The following LRMDA variants were observed in gnomAD, a reference collection of about 807,000 sequenced individuals.
The protein encoded by LRMDA is leucine rich melanocyte differentiation associated, also known as leucine-rich melanocyte differentiation-associated protein.
A neutral mutation model predicts 29.8 loss-of-function variants in LRMDA; 18 were observed. That is an observed-to-expected ratio of 0.60 (90% confidence interval 0.42 to 0.90). The LOEUF (loss-of-function observed/expected upper bound fraction) is 0.90, where lower values mean the gene tolerates loss of function less well. Ranked by LOEUF, LRMDA falls within the 40% of genes least tolerant of loss-of-function variation. LRMDA has a pLI of 0.00. For synonymous variants in LRMDA, 125 were observed against 109.4 expected (o/e 1.14, Z -0.89); for missense variants, 273 against 273.9 (o/e 1.00, Z 0.02).
rs114763638 is a variant in LRMDA at position 76,165,777 on chromosome 10, C to T, written c.516+106994C>T. 5.4e-3 allele frequency among the ~76,000 whole-genome samples: 820 copies of T among 152,194 alleles called. 6 individuals carry two copies. The highest frequency in any genetic ancestry group is 0.034 in the Middle Eastern group (10 of 294). The stretch of plus-strand genomic sequence containing the variant: ...ATCATGAGAACAATATGAGGGTAGC[C>T]GCCCCCATTATTTAATTATCTCTTA... On this transcript the variant is annotated intron_variant, in intron 5 of 6. Transcript: ENST00000611255.
At chr10:76,058,095 G>A (rs748571126) in intron 4 of LRMDA, among the ~76,000 whole-genome samples, 1 of 152,046 alleles carries the variant, frequency 6.6e-6, no homozygotes, top group Non-Finnish European at 1.5e-5. Flanking sequence ...AATCTTCATA[G>A]GTTAGCAAGT....
At chr10:76,338,970 A>G (rs933635747) in intron 6 of LRMDA, among the ~76,000 whole-genome samples, 15 of 152,326 alleles carry the variant, frequency 9.8e-5, no homozygotes, top group African/African-American at 3.4e-4. Flanking sequence ...TTTGAAATTC[A>G]TAAAGCAGAA....
At chr10:75,637,399 G>A (rs550631888) in intron 2 of LRMDA, among the ~76,000 whole-genome samples, 21 of 152,312 alleles carry the variant, frequency 1.4e-4, no homozygotes, top group African/African-American at 4.6e-4. Context: ...GGCAGAGACA[G>A]AGAGGGGGAG....
intron 2 of LRMDA, among the ~76,000 whole-genome samples, chr10:75,654,249 G>A (rs1302759126): frequency 6.6e-6 from 1 of 152,150 alleles, no homozygotes; most frequent in East Asian, 1.9e-4. Flanking sequence ...TATGACTGTG[G>A]GTAGGTGTCT....
intron 2 of LRMDA, among the ~76,000 whole-genome samples, chr10:75,805,309 G>A (rs1221234757): frequency 6.6e-6 from 1 of 152,192 alleles, no homozygotes. Context: ...GAATTCAAAG[G>A]CCAAGCTGCC....
At chr10:75,575,966 GTT>G (rs796940224) in intron 2 of LRMDA, among the ~76,000 whole-genome samples, 4 of 141,580 alleles carry the variant, frequency 2.8e-5, no homozygotes, top group South Asian at 2.3e-4. Flanking sequence ...AGCCACAGGA[GTT>G]TTTTTTTTTT....
intron 3 of LRMDA, among the ~76,000 whole-genome samples, chr10:76,039,344 C>G (rs146928314): frequency 1.3e-5 from 2 of 152,216 alleles, no homozygotes; most frequent in Non-Finnish European, 2.9e-5. Flanking sequence ...AAAGTATTAG[C>G]TCTTTTGTGT....
intron 6 of LRMDA, among the ~76,000 whole-genome samples, chr10:76,333,265 A>G (rs1249702655): frequency 6.6e-6 from 1 of 152,150 alleles, no homozygotes; most frequent in Non-Finnish European, 1.5e-5. Flanking sequence ...AAGGGTTTAT[A>G]TTTTATTTAA....
intron 2 of LRMDA, among the ~76,000 whole-genome samples, chr10:75,691,129 G>C (rs569682668): frequency 2.2e-5 from 2 of 90,578 alleles, no homozygotes; most frequent in Non-Finnish European, 2.1e-5. Context: ...TATATACATA[G>C]ATATATAGAT....
At chr10:75,736,773 T>A (rs1267422228) in intron 2 of LRMDA, among the ~76,000 whole-genome samples, 1 of 152,152 alleles carries the variant, frequency 6.6e-6, no homozygotes, top group African/African-American at 2.4e-5. Context: ...ATGAGTTCAT[T>A]TATATTCTTG....
intron 2 of LRMDA, among the ~76,000 whole-genome samples, chr10:75,951,738 G>T (rs147307599): frequency 6.6e-6 from 1 of 152,210 alleles, no homozygotes; most frequent in Non-Finnish European, 1.5e-5. Context: ...GCTCTCCATG[G>T]GTAACCTCTC....
intron 2 of LRMDA, among the ~76,000 whole-genome samples, chr10:75,796,294 A>G (rs79152865): frequency 0.013 from 2,040 of 152,216 alleles, 53 homozygotes; most frequent in African/African-American, 0.047. Flanking sequence ...TTATTATTTT[A>G]TCATATGTAT....
At chr10:75,887,672 G>A (rs1050418043) in intron 2 of LRMDA, among the ~76,000 whole-genome samples, 2 of 152,148 alleles carry the variant, frequency 1.3e-5, no homozygotes, top group Non-Finnish European at 2.9e-5. Context: ...GGCCTGCAAA[G>A]TCTAAATGTT....
At chr10:76,538,987 G>A (rs1045415100) in intron 6 of LRMDA, among the ~76,000 whole-genome samples, 1 of 151,318 alleles carries the variant, frequency 6.6e-6, no homozygotes, top group Admixed American at 6.6e-5. Context: ...CCTGGCATAT[G>A]GTGTTTCTCC....
intron 6 of LRMDA, among the ~76,000 whole-genome samples, chr10:76,463,162 A>T (rs552609135): frequency 5.8e-4 from 88 of 152,114 alleles, no homozygotes; most frequent in Non-Finnish European, 1.1e-3. Context: ...ACTTCTCTGT[A>T]TCCAAGGCAG....
At chr10:75,493,255 C>T (rs910981332) in intron 2 of LRMDA, among the ~76,000 whole-genome samples, 5 of 151,472 alleles carry the variant, frequency 3.3e-5, no homozygotes, top group Admixed American at 6.6e-5. Context: ...CCTTGGAGAA[C>T]AAGTTTTCCT....
intron 2 of LRMDA, among the ~76,000 whole-genome samples, chr10:75,845,885 A>G (rs530040585): frequency 6.6e-6 from 1 of 152,300 alleles, no homozygotes; most frequent in East Asian, 1.9e-4. Context: ...AAATGGTAAT[A>G]GCAGAATTTT....
chr10:76,271,013 G>A (rs770878078), intron 5 of LRMDA, among the ~76,000 whole-genome samples: 1 of 152,186 alleles, frequency 6.6e-6, no homozygotes, highest in Admixed American at 6.5e-5. Context: ...GAGAATAGCT[G>A]TCTCTTTCCC....
chr10:75,758,320 C>T (rs1372251195), intron 2 of LRMDA, among the ~76,000 whole-genome samples: 1 of 152,214 alleles, frequency 6.6e-6, no homozygotes, highest in Admixed American at 6.5e-5. Flanking sequence ...AAACTAAGTT[C>T]TCACGTCCAG....
Sources: allele counts gnomAD v4.1 joint callset (sites outside exome capture counted in the v4.1 genomes callset), GRCh38; gene constraint gnomAD v4.1.1; transcripts MANE v1.5; gene names NCBI Gene and HGNC (gene_info 2026-07-23, HGNC 2026-07-21).